The following CCDC142 variants were observed in gnomAD, a reference collection of about 807,000 sequenced individuals.
CCDC142 encodes the protein coiled-coil domain containing 142.
Under a neutral mutation model 83.8 loss-of-function variants are expected in CCDC142, and 67 were observed. The observed-to-expected ratio is 0.80, with a 90% confidence interval of 0.66 to 0.98. CCDC142 has a LOEUF of 0.98. Among genes scored for constraint, CCDC142 ranks in the 50% least tolerant of loss-of-function variants. CCDC142 has a pLI of 0.00. For synonymous variants in CCDC142, 421 were observed against 421.2 expected (o/e 1.00, Z 0.01); for missense variants, 905 against 946.8 (o/e 0.96, Z 0.58).
chr2:74,481,986 G>T lies in CCDC142; in HGVS notation c.852C>A (p.Gly284=). 1.2e-6 allele frequency: 2 copies of T among 1,613,776 alleles called. No individual in the cohort carries two copies. The highest frequency in any genetic ancestry group is 1.7e-6 in the Non-Finnish European group (2 of 1,179,980). The change falls in exon 1 of 9, where the codon GGC becomes GGA. Residue 284 remains glycine (G), a synonymous_variant. Coordinates refer to ENST00000393965, the MANE Select transcript of CCDC142 (RefSeq NM_001365575.2). ...GTCCACAGCTGGCTGAACCCGCCAC[G>T]CCCCCGACCAGGCCCAGCAGCCCTG... ...LLPGLLGLVG[G]VAGSASCGLG...
chr2:74,481,407 G>A (rs749040959), intron 2 of CCDC142, 35 bp from the exon 3 acceptor site: 19 of 1,614,048 alleles, frequency 1.2e-5, no homozygotes, highest in Middle Eastern at 1.6e-4. Context: ...GTGGGGAAGC[G>A]GTAACCTGGG....
Position 74,482,734 on chromosome 2 carries a change from C to T in CCDC142, c.104G>A (p.Arg35Gln). Residue 35 changes from arginine (R) to glutamine (Q), a missense_variant, in exon 1 of 9, where the codon CGA becomes CAA. Around this residue, in one of 3 missense-constraint regions of CCDC142, gnomAD observed 591 missense variants for 571.4 expected, o/e 1.03. Coordinates refer to ENST00000393965, the MANE Select transcript of CCDC142 (RefSeq NM_001365575.2). The surrounding 1 kb of genome is among the most constrained non-coding windows in gnomAD (Gnocchi z 5.0). ...AACCTCCCAGCGAAGACCGCCCGTTCGACTTCTCTCCCACTGCTCCTCCCC... is the reference window on the plus strand; with the variant it reads ...AACCTCCCAGCGAAGACCGCCCGTTTGACTTCTCTCCCACTGCTCCTCCCC... ...GTGEEQWERS[R>Q]TGGLRWEVHC... 3 of 1,603,842 alleles carry T rather than the reference C, an allele frequency of 1.9e-6. No homozygotes were observed. The highest frequency in any genetic ancestry group is 1.7e-6 in the Non-Finnish European group (2 of 1,179,976).
In CCDC142 at chr2:74,474,740, A is replaced by C. The variant is rs1335475427; in HGVS notation, c.2059T>G (p.Leu687Val). 1 of 1,614,034 alleles carries C rather than the reference A, an allele frequency of 6.2e-7. No homozygotes were observed. Among genetic ancestry groups the C allele is most frequent in the African/African-American group, 1.3e-5 (1 of 74,944 alleles). ...PSSCLNSLES[L>V]EPPLQPGTSP... ...GTTCCAGGCTGGAGCGGGGGCTCCA[A>C]GCTCTCCAGGCTATTGAGGCAGCTG... The change falls in exon 9 of 9, where the codon TTG becomes GTG. Residue 687 changes from leucine to valine, a missense_variant. Physicochemically the swap from Leu to Val is conservative, Grantham distance 32 (BLOSUM62 1). Around this residue, in one of 3 missense-constraint regions of CCDC142, gnomAD observed 265 missense variants for 288.9 expected, o/e 0.92. Coordinates refer to ENST00000393965, the MANE Select transcript of CCDC142 (RefSeq NM_001365575.2).
At chr2:74,481,721 C>T (rs1672476539) in intron 1 of CCDC142, 96 bp downstream of exon 1, 3 of 1,461,574 alleles carry the variant, frequency 2.1e-6, no homozygotes, top group African/African-American at 1.4e-5. Context: ...TTCTAAAGGG[C>T]CTGCTTTTGC....
In CCDC142 at chr2:74,482,760, A is replaced by C. The variant is rs755923795; in HGVS notation, c.78T>G (p.Thr26=). Residue 26 remains threonine (T), a synonymous_variant, in exon 1 of 9, where the codon ACT becomes ACG. Coordinates refer to ENST00000393965, the MANE Select transcript of CCDC142 (RefSeq NM_001365575.2). This position sits in a 1 kb window ranked among gnomAD's most constrained non-coding sequence, Gnocchi z 5.0. ...GACTTCTCTCCCACTGCTCCTCCCC[A>C]GTGCCCCCGGGTTGCGCCCTCAGCG... ...VPPLRAQPGG[T]GEEQWERSRT... 1 of 1,601,392 alleles carries C rather than the reference A, an allele frequency of 6.2e-7. No individual in the cohort carries two copies. The highest frequency in any genetic ancestry group is 1.1e-5 in the South Asian group (1 of 91,084).
Position 74,474,734 on chromosome 2 carries a change from G to T in CCDC142, c.2065C>A (p.Pro689Thr), listed in dbSNP as rs754573897. The change falls in exon 9 of 9, where the codon CCC (proline) becomes ACC (threonine). Residue 689 changes from proline (P) to threonine (T), a missense_variant. Physicochemically the swap from Pro to Thr is conservative, Grantham distance 38. This residue lies in a region of CCDC142 where 265 missense variants were observed against 288.9 expected (regional missense o/e 0.92). Coordinates refer to ENST00000393965, the MANE Select transcript of CCDC142 (RefSeq NM_001365575.2). ...GGAGATGTTCCAGGCTGGAGCGGGG[G>T]CTCCAAGCTCTCCAGGCTATTGAGG... The part of the protein sequence containing the change: ...SCLNSLESLE[P>T]PLQPGTSPAQ... 6.2e-7 allele frequency: 1 copy of T among 1,614,180 alleles called. No homozygotes were observed. The highest frequency in any genetic ancestry group is 1.1e-5 in the South Asian group (1 of 91,072).
chr2:74,477,529 C>A (rs1414787151), intron 5 of CCDC142, among the ~76,000 whole-genome samples: 6 of 152,270 alleles, frequency 3.9e-5, no homozygotes, highest in African/African-American at 1.4e-4. Flanking sequence ...AGTGAACATA[C>A]CCACAAAAGG....
At chr2:74,476,418 CT>C (rs770513755) in intron 5 of CCDC142, among the ~76,000 whole-genome samples, 2 of 152,152 alleles carry the variant, frequency 1.3e-5, no homozygotes, top group African/African-American at 2.4e-5. Context: ...GGTGATCGGC[CT>C]GCCTCTGCCT....
At position 74,482,226 on chromosome 2, in the gene CCDC142, C is replaced by T. The variant is rs1203439245; in HGVS notation, c.612G>A (p.Glu204=). ...GGTAGGCGGGAAGTGCAAAGAGCAGCTCGGCGAGTTGGGACGACAGGCCCG... is the reference window on the plus strand; with the variant it reads ...GGTAGGCGGGAAGTGCAAAGAGCAGTTCGGCGAGTTGGGACGACAGGCCCG... ...ASPGLSSQLA[E]LLFALPAYHT... The change falls in exon 1 of 9, where the codon GAG becomes GAA. Residue 204 remains glutamate (E), a synonymous_variant. Coordinates refer to ENST00000393965, the MANE Select transcript of CCDC142 (RefSeq NM_001365575.2). The surrounding 1 kb of genome is among the most constrained non-coding windows in gnomAD (Gnocchi z 5.0). The T allele has an allele frequency of 6.2e-6, 10 of 1,613,474 alleles. No homozygotes were observed. Among genetic ancestry groups the T allele is most frequent in the Non-Finnish European group, 7.6e-6 (9 of 1,179,908 alleles).
chr2:74,481,403 A>G (rs1207236973), intron 2 of CCDC142, 31 bp from the exon 3 acceptor site: 1 of 1,614,002 alleles, frequency 6.2e-7, no homozygotes, highest in East Asian at 2.2e-5. Context: ...TGTGGTGGGG[A>G]AGCGGTAACC....
At position 74,473,478 on chromosome 2, in the gene CCDC142, G is replaced by T. The variant is rs1168433806; in HGVS notation, c.*1068C>A. On this transcript the variant is annotated 3_prime_UTR_variant, in exon 9 of 9. Coordinates refer to ENST00000393965, the MANE Select transcript of CCDC142 (RefSeq NM_001365575.2). The stretch of plus-strand genomic sequence containing the variant: ...TGGGACTACAGGCGCGTGCCACCAC[G>T]CCCGGCTAATTTTTTGTATTTTTAG... Among the ~76,000 whole-genome samples the T allele has an allele frequency of 6.6e-6, 1 of 151,098 alleles. No individual in the cohort carries two copies. Among genetic ancestry groups the T allele is most frequent in the Non-Finnish European group, 1.5e-5 (1 of 67,738 alleles).
At position 74,482,806 on chromosome 2, in the gene CCDC142, G is replaced by A; in HGVS notation, c.32C>T (p.Pro11Leu). 1 of 1,599,842 alleles carries A rather than the reference G, an allele frequency of 6.3e-7. No homozygotes were observed. The highest frequency in any genetic ancestry group is 2.2e-5 in the East Asian group (1 of 44,882). MAQASRSGSL[P>L]PLVIVPPLRA... ...CAGCGGGGGCACGATAACGAGTGGA[G>A]GCAGGCTACCTGAGCGAGACGCCTG... The change falls in exon 1 of 9, where the codon CCT becomes CTT. Residue 11 changes from proline to leucine, a missense_variant. Pro to Leu is a moderately conservative substitution (Grantham distance 98). Around this residue, in one of 3 missense-constraint regions of CCDC142, gnomAD observed 591 missense variants for 571.4 expected, o/e 1.03. Coordinates refer to ENST00000393965, the MANE Select transcript of CCDC142 (RefSeq NM_001365575.2). This position sits in a 1 kb window ranked among gnomAD's most constrained non-coding sequence, Gnocchi z 5.0.
At chr2:74,481,127 G>A (rs1409124559) in intron 3 of CCDC142, 41 bp from the exon 4 acceptor site, 1 of 1,608,508 alleles carries the variant, frequency 6.2e-7, no homozygotes, top group Non-Finnish European at 8.5e-7. Flanking sequence ...TAGGGGTCAT[G>A]GAGTACCTTT....
chr2:74,477,995 A>T (rs28536479), intron 5 of CCDC142, among the ~76,000 whole-genome samples: 7,347 of 147,100 alleles, frequency 0.05, 495 homozygotes, highest in African/African-American at 0.15. Context: ...AATTAAAAAA[A>T]AAATATATAT....
At chr2:74,476,047 ACACAC>A (rs1420898345) in intron 5 of CCDC142, among the ~76,000 whole-genome samples, 2 of 5,548 alleles carry the variant, frequency 3.6e-4, no homozygotes, top group Admixed American at 2.6e-3. Context: ...CCCCCGCAAC[ACACAC>A]ACACACACAC....
At chr2:74,480,915 C>T (rs750234372) in intron 4 of CCDC142, 33 bp from the exon 5 acceptor site, 1 of 1,612,938 alleles carries the variant, frequency 6.2e-7, no homozygotes, top group East Asian at 2.2e-5. Context: ...AGGGCTCAGC[C>T]TAGCTCAGGC....
At chr2:74,479,138 G>A (rs1041062460) in intron 5 of CCDC142, among the ~76,000 whole-genome samples, 2 of 151,884 alleles carry the variant, frequency 1.3e-5, no homozygotes, top group Non-Finnish European at 2.9e-5. Context: ...AGGTTGCAGT[G>A]AGCCAAGATC....
chr2:74,481,078 G>T lies in CCDC142; in HGVS notation c.1267C>A (p.Pro423Thr). Reference sequence around the variant, plus strand: ...AGGGTACAGAGACCTAGGGCGACAGGCGCAGGATCTGGGGATTTGAGCAGC... The same window carrying T: ...AGGGTACAGAGACCTAGGGCGACAGTCGCAGGATCTGGGGATTTGAGCAGC... ...RIFCQPADPA[P>T]VALGLCTLQT... is the part of the protein sequence containing the mutation. Residue 423 changes from proline (P) to threonine (T), a missense_variant, in exon 4 of 9, where the codon CCT (proline) becomes ACT (threonine). This residue lies in a region of CCDC142 where 591 missense variants were observed against 571.4 expected (regional missense o/e 1.03). Coordinates refer to ENST00000393965, the MANE Select transcript of CCDC142 (RefSeq NM_001365575.2). 1 of 1,612,330 alleles carries T rather than the reference G, an allele frequency of 6.2e-7. No homozygotes were observed. The highest frequency in any genetic ancestry group is 1.3e-5 in the African/African-American group (1 of 75,030).
At position 74,482,025 on chromosome 2, in the gene CCDC142, C is replaced by T; in HGVS notation, c.813G>A (p.Glu271=). The change falls in exon 1 of 9, where the codon GAG becomes GAA. Residue 271 remains glutamate, a synonymous_variant. Coordinates refer to ENST00000393965, the MANE Select transcript of CCDC142 (RefSeq NM_001365575.2). The surrounding 1 kb of genome is among the most constrained non-coding windows in gnomAD (Gnocchi z 5.0). Reference sequence around the variant, plus strand: ...CCAGCAGCCCTGGTAGCAGATCCCCCTCCTCTTGGCACCGCCTGCGGAGCT... The same window carrying T: ...CCAGCAGCCCTGGTAGCAGATCCCCTTCCTCTTGGCACCGCCTGCGGAGCT... ...RDQLRRRCQE[E]GDLLPGLLGL... is the part of the protein sequence containing the mutation. 1 of 1,613,768 alleles carries T rather than the reference C, an allele frequency of 6.2e-7. No individual in the cohort carries two copies.
Sources: gnomAD v4.1 joint callset for allele counts (sites outside exome capture counted in the v4.1 genomes callset) on GRCh38, gnomAD v4.1.1 for gene constraint, gnomAD v4.1.1 regional missense constraint, Gnocchi (gnomAD v3.1) non-coding constraint, MANE v1.5 for transcripts, NCBI Gene and HGNC (gene_info 2026-07-23, HGNC 2026-07-21) for gene names.